Variants in ZNF469 observed in about 807,000 individuals in gnomAD.
ZNF469 encodes zinc finger protein 469.
A neutral mutation model predicts 1.0 loss-of-function variants in ZNF469; 1 was observed. That is an observed-to-expected ratio of 1.00 (90% CI 0.35 to 4.73). The LOEUF (loss-of-function observed/expected upper bound fraction) is 4.73, where lower values mean the gene tolerates loss of function less well. ZNF469 is among the 30% of genes most tolerant of loss of function. The probability of loss-of-function intolerance (pLI) is 0.16; values close to 1 mark genes in which losing one functional copy is unlikely to be tolerated. For missense variants in ZNF469, 6,100 were observed against 5,356.3 expected (o/e 1.14, Z -4.33); for synonymous variants, 2,703 against 2,363.4 (o/e 1.14, Z -4.17).
chr16:88,431,323 G>T lies in ZNF469; in HGVS notation c.3853G>T (p.Ala1285Ser). 6.5e-7 allele frequency: 1 copy of T among 1,549,598 alleles called. No individual in the cohort carries two copies. The highest frequency in any genetic ancestry group is 8.7e-7 in the Non-Finnish European group (1 of 1,146,650). Reference sequence around the variant, plus strand: ...CACCCCCAAGCCGTCGGGAAGCCTCGCCAACACGGCGCCCCACGGAAGCTC... The same window carrying T: ...CACCCCCAAGCCGTCGGGAAGCCTCTCCAACACGGCGCCCCACGGAAGCTC... ...TGTPKPSGSL[A>S]NTAPHGSSPT... The change falls in exon 3 of 3, where the codon GCC becomes TCC. Residue 1285 changes from alanine to serine, a missense_variant. By Grantham distance (99) the Ala-to-Ser change is moderately conservative. Coordinates refer to ENST00000565624, the MANE Select transcript of ZNF469 (RefSeq NM_001367624.2).
At chr16:88,283,889 AGGTCTGTGG>A in the ZNF469 span, among the ~76,000 whole-genome samples, 1 of 109,512 alleles carries the variant, frequency 9.1e-6, no homozygotes, top group African/African-American at 4.2e-5. Flanking sequence ...GGAGTGCCTG[AGGTCTGTGG>A]AGGCTGGTAG....
chr16:88,169,089 G>A, the ZNF469 span, among the ~76,000 whole-genome samples: 786 of 152,266 alleles, frequency 5.2e-3, 3 homozygotes, highest in Admixed American at 8.2e-3. This position sits in a 1 kb window ranked among gnomAD's most constrained non-coding sequence, Gnocchi z 6.1. Context: ...GGGACAGGCC[G>A]GAAGTGTGTG....
chr16:88,288,802 T>C, the ZNF469 span, among the ~76,000 whole-genome samples: 1 of 152,014 alleles, frequency 6.6e-6, no homozygotes, highest in Non-Finnish European at 1.5e-5. Context: ...GGCTTTAATA[T>C]AAAAGGATGA....
chr16:88,382,136 C>A (rs550708601), upstream of ZNF469, among the ~76,000 whole-genome samples: 25 of 152,368 alleles, frequency 1.6e-4, no homozygotes, highest in Admixed American at 1.4e-3. Flanking sequence ...CGATCCGTCC[C>A]CAGATGCTGC....
At chr16:88,283,977 G>A in the ZNF469 span, among the ~76,000 whole-genome samples, 1 of 111,680 alleles carries the variant, frequency 9.0e-6, no homozygotes, top group Non-Finnish European at 1.8e-5. Context: ...GTGGAGGCTG[G>A]TAGACCCCGA....
At chr16:88,298,173 G>A in the ZNF469 span, among the ~76,000 whole-genome samples, 1 of 152,134 alleles carries the variant, frequency 6.6e-6, no homozygotes, top group African/African-American at 2.4e-5. Context: ...GGTGGGGTCT[G>A]GGGGCACCAG....
chr16:88,389,833 C>A (rs987530965), intron 1 of ZNF469, among the ~76,000 whole-genome samples: 14 of 152,160 alleles, frequency 9.2e-5, no homozygotes, highest in Admixed American at 7.2e-4. Flanking sequence ...GGAGGCTCCC[C>A]CGCTGTGCCT....
the ZNF469 span, among the ~76,000 whole-genome samples, chr16:88,329,893 A>T: frequency 6.6e-6 from 1 of 152,202 alleles, no homozygotes; most frequent in Non-Finnish European, 1.5e-5. Context: ...CCGGTGAGGG[A>T]CGGACAAGCA....
the ZNF469 span, among the ~76,000 whole-genome samples, chr16:88,185,620 ACT>A: frequency 1.3e-5 from 2 of 151,532 alleles, no homozygotes; most frequent in African/African-American, 4.9e-5. Flanking sequence ...CTACAGACAC[ACT>A]CACATTTGCA....
At chr16:88,332,988 C>T in the ZNF469 span, among the ~76,000 whole-genome samples, 1 of 152,218 alleles carries the variant, frequency 6.6e-6, no homozygotes, top group Non-Finnish European at 1.5e-5. Flanking sequence ...CCTGCCCAGC[C>T]TCTGTGGCAC....
the ZNF469 span, among the ~76,000 whole-genome samples, chr16:88,323,753 C>A: frequency 6.6e-6 from 1 of 152,264 alleles, no homozygotes; most frequent in South Asian, 2.1e-4. Context: ...GGCCGTGGTC[C>A]CACAGACCAG....
At chr16:88,103,281 C>T in the ZNF469 span, among the ~76,000 whole-genome samples, 1 of 152,232 alleles carries the variant, frequency 6.6e-6, no homozygotes, top group Non-Finnish European at 1.5e-5. Flanking sequence ...CGGCTCTGGT[C>T]CTGTTTGTCC....
the ZNF469 span, among the ~76,000 whole-genome samples, chr16:88,282,460 C>T: frequency 6.6e-6 from 1 of 152,174 alleles, no homozygotes; most frequent in Admixed American, 6.5e-5. Context: ...CCTGTTGGAC[C>T]TTGCCCTGGG....
At chr16:88,185,665 ACT>A in the ZNF469 span, among the ~76,000 whole-genome samples, 6 of 150,066 alleles carry the variant, frequency 4.0e-5, no homozygotes, top group African/African-American at 1.2e-4. Flanking sequence ...ATATGCACAC[ACT>A]CATGTGCCCA....
the ZNF469 span, among the ~76,000 whole-genome samples, chr16:88,139,459 T>G: frequency 6.8e-6 from 1 of 146,236 alleles, no homozygotes; most frequent in African/African-American, 2.5e-5. Context: ...TTTTGTCCCC[T>G]GGCCTGGGGA....
the ZNF469 span, among the ~76,000 whole-genome samples, chr16:88,184,228 C>A: frequency 1.3e-5 from 2 of 152,124 alleles, no homozygotes; most frequent in Non-Finnish European, 2.9e-5. Flanking sequence ...GAAGACCGAT[C>A]ACCACAGGCC....
At chr16:88,384,113 G>A (rs1484501553) in intron 1 of ZNF469, among the ~76,000 whole-genome samples, 1 of 152,266 alleles carries the variant, frequency 6.6e-6, no homozygotes, top group Non-Finnish European at 1.5e-5. Context: ...CGTGAGCCAT[G>A]CTGGGCATAG....
At chr16:88,176,783 C>T in the ZNF469 span, among the ~76,000 whole-genome samples, 3 of 152,282 alleles carry the variant, frequency 2.0e-5, no homozygotes, top group Non-Finnish European at 4.4e-5. Context: ...AGCGCAGCTT[C>T]TGGCTCACTC....
At chr16:88,137,380 C>T in the ZNF469 span, among the ~76,000 whole-genome samples, 1 of 152,180 alleles carries the variant, frequency 6.6e-6, no homozygotes, top group African/African-American at 2.4e-5. Flanking sequence ...TGCATACCAC[C>T]ATGTGTGCGG....
Sources: allele counts gnomAD v4.1 joint callset (sites outside exome capture counted in the v4.1 genomes callset), GRCh38; gene constraint gnomAD v4.1.1; non-coding constraint Gnocchi (gnomAD v3.1); transcripts MANE v1.5; gene names NCBI Gene and HGNC (gene_info 2026-07-23, HGNC 2026-07-21).